The following GPC3 variants were observed in gnomAD, a reference collection of about 807,000 sequenced individuals.
GPC3 encodes the protein glypican 3.
Under a neutral mutation model 34.4 loss-of-function variants are expected in GPC3, and 3 were observed. The ratio of observed to expected loss-of-function variants is 0.09; its 90% CI spans 0.04 to 0.23. GPC3 has a LOEUF of 0.23. GPC3 is among the 10% of genes least tolerant of loss of function. The pLI is 1.00. For synonymous variants in GPC3, 177 were observed against 174.0 expected (o/e 1.02, Z -0.13); for missense variants, 351 against 445.6 (o/e 0.79, Z 1.91).
chrX:133,704,712 G>A (rs1223491522), intron 3 of GPC3, among the ~76,000 whole-genome samples: 1 of 110,597 alleles, frequency 9.0e-6, no homozygotes, highest in Non-Finnish European at 1.9e-5. Context: ...GGTCAGTTAG[G>A]TTTTATGACC....
At position 133,894,791 on chromosome X, in the gene GPC3, G is replaced by C. The variant is rs189911698; in HGVS notation, c.337+58259C>G. 2.9e-3 allele frequency among the ~76,000 whole-genome samples: 322 copies of C among 112,087 alleles called. 1 individual carries two copies. The highest frequency in any genetic ancestry group is 9.6e-3 in the African/African-American group (298 of 30,905). On this transcript the variant is annotated intron_variant, in intron 2 of 7. Coordinates refer to ENST00000370818, the MANE Select transcript of GPC3 (RefSeq NM_004484.4). ...GGAGGCGGAGGTTGCAGTGAACTGA[G>C]ATCGTGCCACAGCACTCCAGCCTGG... is the stretch of plus-strand genomic sequence containing the variant.
intron 6 of GPC3, among the ~76,000 whole-genome samples, chrX:133,658,174 ATGAT>A (rs35603170): frequency 0.024 from 2,698 of 112,063 alleles, 81 homozygotes; most frequent in African/African-American, 0.081. Flanking sequence ...AAACATCTGG[ATGAT>A]TGATTGAGTT....
intron 7 of GPC3, among the ~76,000 whole-genome samples, chrX:133,588,213 G>A (rs750472269): frequency 9.0e-6 from 1 of 111,087 alleles, no homozygotes; most frequent in East Asian, 2.8e-4. Context: ...TTTCCAAAGA[G>A]CACAAAGGAA....
At chrX:133,626,185 A>C (rs1305407827) in intron 6 of GPC3, among the ~76,000 whole-genome samples, 3 of 112,049 alleles carry the variant, frequency 2.7e-5, no homozygotes, top group Non-Finnish European at 5.6e-5. Flanking sequence ...TAAAGACTTA[A>C]ATGTTAGACC....
chrX:133,835,927 T>C (rs1388533166), intron 2 of GPC3, among the ~76,000 whole-genome samples: 1 of 113,044 alleles, frequency 8.8e-6, no homozygotes, highest in African/African-American at 3.2e-5. Flanking sequence ...CTCTCTTCTT[T>C]AGGTCTGAGT....
At chrX:133,653,393 A>G (rs2070621725) in intron 6 of GPC3, among the ~76,000 whole-genome samples, 1 of 111,787 alleles carries the variant, frequency 8.9e-6, no homozygotes, top group Admixed American at 9.5e-5. Flanking sequence ...CCCACTGACT[A>G]ATATGATGCT....
intron 1 of GPC3, among the ~76,000 whole-genome samples, chrX:133,971,402 A>G (rs770214676): frequency 2.7e-5 from 3 of 111,943 alleles, no homozygotes; most frequent in Non-Finnish European, 3.8e-5. Context: ...GTACCCAAAT[A>G]AAATATGTGG....
At chrX:133,863,648 C>CTTTTTTTTTTTT (rs1165193952) in intron 2 of GPC3, among the ~76,000 whole-genome samples, 10 of 72,896 alleles carry the variant, frequency 1.4e-4, no homozygotes, top group African/African-American at 4.2e-4. Flanking sequence ...AAAAATATTC[C>CTTTTTTTTTTTT]TTTTTTTTTT....
chrX:133,775,291 C>G (rs1241380960), intron 2 of GPC3, among the ~76,000 whole-genome samples: 1 of 110,028 alleles, frequency 9.1e-6, no homozygotes, highest in African/African-American at 3.3e-5. Context: ...CTCCACTGTT[C>G]TTTTGTAATT....
At chrX:133,790,190 C>T (rs1323711218) in intron 2 of GPC3, among the ~76,000 whole-genome samples, 1 of 110,207 alleles carries the variant, frequency 9.1e-6, no homozygotes, top group Non-Finnish European at 1.9e-5. Flanking sequence ...AGTGAGAGGA[C>T]GAAGGAGAGA....
intron 2 of GPC3, among the ~76,000 whole-genome samples, chrX:133,880,111 A>C (rs901114864): frequency 2.7e-5 from 3 of 112,134 alleles, no homozygotes; most frequent in Non-Finnish European, 5.6e-5. Flanking sequence ...CACAACTTTT[A>C]TGAGCACAGT....
At chrX:133,946,544 T>C (rs1299826353) in intron 2 of GPC3, among the ~76,000 whole-genome samples, 2 of 110,777 alleles carry the variant, frequency 1.8e-5, no homozygotes, top group African/African-American at 3.3e-5. Flanking sequence ...CTTTCTTCTC[T>C]CCATACCAGC....
chrX:133,605,131 G>A (rs1249495134), intron 6 of GPC3, among the ~76,000 whole-genome samples: 1 of 108,790 alleles, frequency 9.2e-6, no homozygotes. Flanking sequence ...GAACCCAAAT[G>A]TATAGGCCTA....
intron 5 of GPC3, among the ~76,000 whole-genome samples, chrX:133,682,596 C>T (rs1444618715): frequency 1.8e-5 from 2 of 111,875 alleles, no homozygotes. Context: ...TTACTCCCAT[C>T]TTATAAATAA....
chrX:133,551,742 T>C (rs1344447152), intron 7 of GPC3, among the ~76,000 whole-genome samples: 1 of 111,772 alleles, frequency 8.9e-6, no homozygotes, highest in Non-Finnish European at 1.9e-5. Flanking sequence ...CCAGTTTCCA[T>C]TCCCTTACTG....
intron 5 of GPC3, among the ~76,000 whole-genome samples, chrX:133,690,286 G>A (rs1336788487): frequency 9.0e-6 from 1 of 111,366 alleles, no homozygotes; most frequent in Non-Finnish European, 1.9e-5. Flanking sequence ...GGGGAAAGGG[G>A]GAAAAATAGA....
At chrX:133,810,877 A>G (rs1395890271) in intron 2 of GPC3, among the ~76,000 whole-genome samples, 7 of 108,732 alleles carry the variant, frequency 6.4e-5, no homozygotes, top group Admixed American at 9.8e-5. Flanking sequence ...AAAAAAAAAA[A>G]AAAGAAAGAG....
intron 2 of GPC3, among the ~76,000 whole-genome samples, chrX:133,915,856 C>T (rs999863099): frequency 2.7e-5 from 3 of 111,945 alleles, no homozygotes; most frequent in African/African-American, 9.7e-5. Context: ...AAGATAGTTA[C>T]AATGGATTGG....
intron 2 of GPC3, among the ~76,000 whole-genome samples, chrX:133,791,454 T>A (rs1243874408): frequency 1.8e-5 from 2 of 111,830 alleles, no homozygotes; most frequent in Non-Finnish European, 3.8e-5. Flanking sequence ...ATCATTCATG[T>A]TTGTGTGGCC....
Sources: gnomAD v4.1 joint callset for allele counts (sites outside exome capture counted in the v4.1 genomes callset) on GRCh38, gnomAD v4.1.1 for gene constraint, MANE v1.5 for transcripts, NCBI Gene and HGNC (gene_info 2026-07-23, HGNC 2026-07-21) for gene names.